Variants in LRRN2 observed in about 807,000 individuals in gnomAD.
LRRN2 encodes leucine-rich repeat neuronal protein 2.
LRRN2 carries 10 observed loss-of-function variants against 35.7 expected under a neutral mutation model. The observed-to-expected ratio is 0.28, with a 90% CI of 0.17 to 0.47. The LOEUF (loss-of-function observed/expected upper bound fraction) is 0.47, where lower values mean the gene tolerates loss of function less well. Ranked by LOEUF, LRRN2 falls within the 20% of genes least tolerant of loss-of-function variation. LRRN2 has a pLI of 0.99. For synonymous variants in LRRN2, 391 were observed against 409.6 expected (o/e 0.95, Z 0.55); for missense variants, 731 against 940.3 (o/e 0.78, Z 2.91).
chr1:204,623,378 C>A (rs1390945192), intron 1 of LRRN2, among the ~76,000 whole-genome samples: 2 of 152,250 alleles, frequency 1.3e-5, no homozygotes, highest in African/African-American at 2.4e-5. Context: ...CCTTCCTTCC[C>A]TCCCCTGGTT....
At chr1:204,633,953 A>G (rs1227408982) in intron 1 of LRRN2, among the ~76,000 whole-genome samples, 3 of 152,220 alleles carry the variant, frequency 2.0e-5, no homozygotes, top group Non-Finnish European at 4.4e-5. Flanking sequence ...CACGCCTTCC[A>G]AGCCCAGTGT....
chr1:204,685,277 G>A (rs1669046961), intron 1 of LRRN2, 43 bp downstream of exon 1: 1 of 152,236 alleles, frequency 6.6e-6, no homozygotes, highest in African/African-American at 2.4e-5. Flanking sequence ...ATTCCCCGGC[G>A]GCGGCGGCGC....
intron 1 of LRRN2, among the ~76,000 whole-genome samples, chr1:204,644,235 C>T (rs1057346708): frequency 2.0e-5 from 3 of 152,182 alleles, no homozygotes; most frequent in Non-Finnish European, 4.4e-5. Context: ...ATCCTCACAC[C>T]TGGCCCCTTC....
chr1:204,620,793 A>G, intron 1 of LRRN2: 3 of 167,254 alleles, frequency 1.8e-5, no homozygotes. Context: ...AATTATTGTT[A>G]TCTTCAGAGT....
intron 1 of LRRN2, among the ~76,000 whole-genome samples, chr1:204,672,377 G>A (rs1393118387): frequency 1.3e-5 from 2 of 152,194 alleles, no homozygotes; most frequent in Admixed American, 1.3e-4. Context: ...GGCTCCCCAA[G>A]TGGGGCTAGG....
At chr1:204,680,617 A>G (rs181035922) in intron 1 of LRRN2, among the ~76,000 whole-genome samples, 15 of 152,342 alleles carry the variant, frequency 9.8e-5, no homozygotes, top group Non-Finnish European at 2.2e-4. Flanking sequence ...GCCCAAGGTC[A>G]TGAGGCTAAC....
At chr1:204,662,713 GCTGATAAGTAT>G (rs1668496821) in intron 1 of LRRN2, among the ~76,000 whole-genome samples, 1 of 152,216 alleles carries the variant, frequency 6.6e-6, no homozygotes, top group African/African-American at 2.4e-5. Context: ...AGGTCAAATA[GCTGATAAGTAT>G]CTGGGAACTG....
intron 1 of LRRN2, among the ~76,000 whole-genome samples, chr1:204,658,068 C>T (rs1668399201): frequency 6.6e-6 from 1 of 150,528 alleles, no homozygotes; most frequent in South Asian, 2.1e-4. Flanking sequence ...ACCTCCACCT[C>T]CCAGTTTCAA....
chr1:204,635,653 C>T (rs1667816025), intron 1 of LRRN2, among the ~76,000 whole-genome samples: 1 of 152,182 alleles, frequency 6.6e-6, no homozygotes, highest in Non-Finnish European at 1.5e-5. Flanking sequence ...AATAAATGTT[C>T]CTAATGACCC....
chr1:204,642,183 C>G (rs893111028), intron 1 of LRRN2, among the ~76,000 whole-genome samples: 2 of 152,196 alleles, frequency 1.3e-5, no homozygotes. Flanking sequence ...ACAGGGGGAA[C>G]ATTCTCTCCT....
intron 1 of LRRN2, among the ~76,000 whole-genome samples, chr1:204,678,583 T>A (rs1193217025): frequency 6.6e-6 from 1 of 151,376 alleles, no homozygotes; most frequent in Non-Finnish European, 1.5e-5. Context: ...CCTCTGACTT[T>A]ATCTCCTGCA....
intron 1 of LRRN2, among the ~76,000 whole-genome samples, chr1:204,645,180 A>G (rs944387167): frequency 1.3e-5 from 2 of 152,254 alleles, no homozygotes; most frequent in Admixed American, 1.3e-4. Flanking sequence ...ATCATTATAC[A>G]GATGGGGAAA....
chr1:204,674,453 G>A (rs1357710943), intron 1 of LRRN2, among the ~76,000 whole-genome samples: 4 of 152,228 alleles, frequency 2.6e-5, no homozygotes, highest in East Asian at 1.9e-4. Flanking sequence ...CCTGGGGGCC[G>A]GCCGGTGGCT....
chr1:204,633,905 TC>T (rs1226772389), intron 1 of LRRN2, among the ~76,000 whole-genome samples: 3 of 152,300 alleles, frequency 2.0e-5, no homozygotes, highest in East Asian at 1.9e-4. Context: ...GAACGCCCTT[TC>T]CAATCTGGCA....
intron 1 of LRRN2, among the ~76,000 whole-genome samples, chr1:204,663,679 T>C (rs941155629): frequency 8.5e-5 from 13 of 152,210 alleles, no homozygotes; most frequent in African/African-American, 3.1e-4. Flanking sequence ...CAAGAGGAAA[T>C]GCTGTGTAGG....
At chr1:204,684,599 C>G (rs1398189403) in intron 1 of LRRN2, among the ~76,000 whole-genome samples, 1 of 152,166 alleles carries the variant, frequency 6.6e-6, no homozygotes. Flanking sequence ...GACGGCCCAC[C>G]TGTGGCTGGC....
intron 1 of LRRN2, among the ~76,000 whole-genome samples, chr1:204,642,252 C>G (rs1667994945): frequency 6.6e-6 from 1 of 152,164 alleles, no homozygotes; most frequent in African/African-American, 2.4e-5. Context: ...TCTCTAGCAC[C>G]TCTCTCCCCA....
At chr1:204,677,206 C>G (rs918421943) in intron 1 of LRRN2, among the ~76,000 whole-genome samples, 1 of 152,236 alleles carries the variant, frequency 6.6e-6, no homozygotes, top group African/African-American at 2.4e-5. Context: ...GATTCCACTT[C>G]CTCTGGATTG....
chr1:204,638,107 A>AC (rs1558410382), intron 1 of LRRN2, among the ~76,000 whole-genome samples: 3 of 120,362 alleles, frequency 2.5e-5, no homozygotes, highest in Non-Finnish European at 3.5e-5. Flanking sequence ...TCACCCACCC[A>AC]CCCCCCGCCC....
Sources: allele counts gnomAD v4.1 joint callset (sites outside exome capture counted in the v4.1 genomes callset), GRCh38; gene constraint gnomAD v4.1.1; transcripts MANE v1.5; gene names NCBI Gene and HGNC (gene_info 2026-07-23, HGNC 2026-07-21).